Variants in MAN2A1 observed in about 807,000 individuals in gnomAD.
The protein encoded by MAN2A1 is mannosidase alpha class 2A member 1.
Under a neutral mutation model 142.6 loss-of-function variants are expected in MAN2A1, and 76 were observed. The observed-to-expected ratio is 0.53, with a 90% confidence interval of 0.44 to 0.65. The LOEUF (loss-of-function observed/expected upper bound fraction) is 0.65, where lower values mean the gene tolerates loss of function less well. MAN2A1 is among the 30% of genes least tolerant of loss of function. The pLI is 0.00. For synonymous variants in MAN2A1, 559 were observed against 473.2 expected (o/e 1.18, Z -2.35); for missense variants, 1,311 against 1,365.1 (o/e 0.96, Z 0.62).
At chr5:109,771,848 G>A (rs1753153345) in intron 7 of MAN2A1, among the ~76,000 whole-genome samples, 1 of 152,174 alleles carries the variant, frequency 6.6e-6, no homozygotes, top group South Asian at 2.1e-4. Context: ...CAGCTGGGGA[G>A]TCCCAGTGCA....
intron 3 of MAN2A1, among the ~76,000 whole-genome samples, chr5:109,727,789 T>C (rs532854900): frequency 6.6e-6 from 1 of 152,280 alleles, no homozygotes; most frequent in Admixed American, 6.5e-5. Flanking sequence ...GCATCTGGGT[T>C]GGTTGGACTT....
In MAN2A1 at chr5:109,773,064, A is replaced by G. The variant is rs558293752; in HGVS notation, c.1197-1724A>G. Among the ~76,000 whole-genome samples, 8 of 152,334 alleles carry G rather than the reference A, an allele frequency of 5.3e-5. No homozygotes were observed. The South Asian group carries it at 1.5e-3, about 28-fold the overall frequency. ...TTGACATTTCTTACCTGGTAAAATA[A>G]ATCAGGAGCAAATTGCATCTGTATG... On this transcript the variant is annotated intron_variant, in intron 7 of 21. Coordinates refer to ENST00000261483, the MANE Select transcript of MAN2A1 (RefSeq NM_002372.4).
At chr5:109,860,911 A>G (rs565110227) in intron 20 of MAN2A1, among the ~76,000 whole-genome samples, 1 of 152,286 alleles carries the variant, frequency 6.6e-6, no homozygotes, top group South Asian at 2.1e-4. Context: ...TCAGCCATAA[A>G]TTGGAGGGGT....
rs1421714672 is a variant in MAN2A1, at chr5:109,846,021, C to T, written c.2842+15C>T. 5 of 1,581,440 alleles carry T rather than the reference C, an allele frequency of 3.2e-6. No homozygotes were observed. In the South Asian group the frequency reaches 3.5e-5, roughly 11 times the overall value. On this transcript the variant is annotated intron_variant, in intron 18 of 21. Transcript: ENST00000261483. Reference sequence around the variant, plus strand: ...TTTGAATAGTGGTATGTATTGCTTACACTCTTTTCCACTCTGAAAGGTTTC... The same window carrying T: ...TTTGAATAGTGGTATGTATTGCTTATACTCTTTTCCACTCTGAAAGGTTTC...
chr5:109,702,546 G>T (rs1323961634), intron 1 of MAN2A1, among the ~76,000 whole-genome samples: 1 of 152,108 alleles, frequency 6.6e-6, no homozygotes, highest in Non-Finnish European at 1.5e-5. Flanking sequence ...TGGGCTGGTA[G>T]GTGACCCCAT....
At chr5:109,819,957 A>G (rs10055921) in intron 14 of MAN2A1, 70 bp downstream of exon 14, 76,860 of 1,138,298 alleles carry the variant, frequency 0.068, 3,111 homozygotes, top group African/African-American at 0.15. Flanking sequence ...TAGATTAATT[A>G]GGCAAAAGGG....
intron 5 of MAN2A1, among the ~76,000 whole-genome samples, chr5:109,762,264 T>G (rs1752872828): frequency 6.6e-6 from 1 of 152,176 alleles, no homozygotes. Context: ...TGACTGTTAG[T>G]CTGTGTTATT....
chr5:109,769,291 A>T (rs1287066272), intron 6 of MAN2A1, among the ~76,000 whole-genome samples: 2 of 152,236 alleles, frequency 1.3e-5, no homozygotes, highest in Non-Finnish European at 2.9e-5. Flanking sequence ...AATTGATAAA[A>T]CTGGAATATT....
At chr5:109,781,189 CTTAGT>C (rs1753446059) in intron 8 of MAN2A1, among the ~76,000 whole-genome samples, 1 of 151,864 alleles carries the variant, frequency 6.6e-6, no homozygotes, top group Middle Eastern at 3.2e-3. Context: ...TAAGTTTTCC[CTTAGT>C]TTAATTTGGG....
chr5:109,865,580 T>C (rs1454382975), intron 21 of MAN2A1, among the ~76,000 whole-genome samples: 3 of 152,112 alleles, frequency 2.0e-5, no homozygotes, highest in African/African-American at 7.2e-5. Context: ...ACTGGGAAAA[T>C]TGAGACTGTA....
chr5:109,787,725 C>T (rs1753630270), intron 10 of MAN2A1, among the ~76,000 whole-genome samples: 1 of 151,900 alleles, frequency 6.6e-6, no homozygotes. Context: ...CAGATTCAGG[C>T]TGCCTAATAA....
chr5:109,835,515 C>T (rs1755032683), intron 16 of MAN2A1, among the ~76,000 whole-genome samples: 1 of 152,168 alleles, frequency 6.6e-6, no homozygotes, highest in Admixed American at 6.5e-5. Flanking sequence ...CTTTTATTTG[C>T]AGACTTAAAT....
At chr5:109,730,754 A>G (rs1334535468) in intron 4 of MAN2A1, among the ~76,000 whole-genome samples, 11 of 152,150 alleles carry the variant, frequency 7.2e-5, no homozygotes, top group Non-Finnish European at 1.0e-4. Flanking sequence ...AATAGGTACA[A>G]TTGTTATCAT....
At chr5:109,824,020 C>T (rs1486532764) in intron 16 of MAN2A1, among the ~76,000 whole-genome samples, 183 bp downstream of exon 16, 1 of 152,160 alleles carries the variant, frequency 6.6e-6, no homozygotes, top group Non-Finnish European at 1.5e-5. Context: ...TAAAACGTTT[C>T]AATCCCTACA....
chr5:109,772,002 C>T (rs1259810319), intron 7 of MAN2A1, among the ~76,000 whole-genome samples: 1 of 152,154 alleles, frequency 6.6e-6, no homozygotes, highest in Admixed American at 6.6e-5. Flanking sequence ...CAGGATGATA[C>T]CTTGTGCTCA....
chr5:109,804,134 T>G, intron 12 of MAN2A1: 2 of 986,424 alleles, frequency 2.0e-6, no homozygotes, highest in Non-Finnish European at 2.4e-6. Flanking sequence ...GAACTAGATT[T>G]TTTTTCCTTC....
intron 5 of MAN2A1, 23 bp from the exon 6 acceptor site, chr5:109,767,512 A>G (rs766453193): frequency 8.2e-6 from 13 of 1,589,382 alleles, no homozygotes; most frequent in Admixed American, 3.7e-5. Flanking sequence ...AAAAAAATTA[A>G]CACTTATCAT....
chr5:109,766,413 T>C (rs1022529497), intron 5 of MAN2A1, among the ~76,000 whole-genome samples: 1 of 152,336 alleles, frequency 6.6e-6, no homozygotes. Flanking sequence ...TCAGTTCTTT[T>C]AGTTTTGACA....
chr5:109,705,240 T>C (rs1160222010), intron 1 of MAN2A1, among the ~76,000 whole-genome samples: 1 of 152,198 alleles, frequency 6.6e-6, no homozygotes, highest in East Asian at 1.9e-4. Flanking sequence ...CAAACTGCAG[T>C]CTTTTACTCC....
Sources: allele counts gnomAD v4.1 joint callset (sites outside exome capture counted in the v4.1 genomes callset), GRCh38; gene constraint gnomAD v4.1.1; transcripts MANE v1.5; gene names NCBI Gene and HGNC (gene_info 2026-07-23, HGNC 2026-07-21).